The following SCAMP3 variants were observed in gnomAD, a reference collection of about 807,000 sequenced individuals.
SCAMP3 encodes the protein secretory carrier-associated membrane protein 3.
In SCAMP3, 30 loss-of-function variants were observed where a neutral mutation model predicts 44.1. The ratio of observed to expected loss-of-function variants is 0.68; its 90% CI spans 0.51 to 0.92. SCAMP3 has a LOEUF of 0.92. Ranked by LOEUF, SCAMP3 falls within the 40% of genes least tolerant of loss-of-function variation. SCAMP3 has a pLI of 0.00. For synonymous variants in SCAMP3, 168 were observed against 171.1 expected (o/e 0.98, Z 0.14); for missense variants, 394 against 440.0 (o/e 0.90, Z 0.93).
chr1:155,259,815 C>T (rs1004219344), intron 4 of SCAMP3, among the ~76,000 whole-genome samples: 11 of 152,144 alleles, frequency 7.2e-5, no homozygotes, highest in Non-Finnish European at 8.8e-5. Flanking sequence ...CCCTGTCAAA[C>T]GGATGCAAAC....
intron 1 of SCAMP3, 166 bp downstream of exon 1, chr1:155,261,920 C>A (rs1672976466): frequency 3.7e-6 from 3 of 811,016 alleles, no homozygotes; most frequent in Non-Finnish European, 6.0e-6. Context: ...CATTAAGGGG[C>A]AGGGCCCGCC....
chr1:155,258,606 G>T (rs781075317), intron 5 of SCAMP3, among the ~76,000 whole-genome samples: 2 of 151,974 alleles, frequency 1.3e-5, no homozygotes, highest in Non-Finnish European at 2.9e-5. Context: ...AAAGTGCTGG[G>T]ATTACAGGCG....
intron 5 of SCAMP3, among the ~76,000 whole-genome samples, chr1:155,257,907 C>T (rs1029878654): frequency 2.0e-5 from 3 of 150,810 alleles, no homozygotes; most frequent in Admixed American, 1.3e-4. Context: ...TGCAGTGGCG[C>T]AATCTCAGCT....
intron 2 of SCAMP3, 39 bp from the exon 3 acceptor site, chr1:155,260,698 A>C: frequency 1.3e-6 from 2 of 1,548,920 alleles, no homozygotes; most frequent in Non-Finnish European, 1.8e-6. Flanking sequence ...CTAGTCCCTC[A>C]TAACACAGGA....
intron 4 of SCAMP3, among the ~76,000 whole-genome samples, chr1:155,259,468 C>A (rs186900220): frequency 6.6e-6 from 1 of 152,218 alleles, no homozygotes; most frequent in African/African-American, 2.4e-5. Context: ...CGGCGCCTGG[C>A]CGTCCACCTC....
chr1:155,261,271 C>T (rs897817261), intron 2 of SCAMP3: 1 of 200,818 alleles, frequency 5.0e-6, no homozygotes, highest in Non-Finnish European at 1.0e-5. Context: ...TAAATTCTTA[C>T]AACTCACCAT....
At chr1:155,257,795 C>A in intron 5 of SCAMP3, 138 bp from the exon 6 acceptor site, 1 of 755,130 alleles carries the variant, frequency 1.3e-6, no homozygotes, top group Non-Finnish European at 2.2e-6. Flanking sequence ...ATGGAATCCT[C>A]AACAGGGGAG....
rs758722934 is a variant in SCAMP3 at position 155,257,405 on chromosome 1, TG to T, written c.678-20del. On this transcript the variant is annotated intron_variant, in intron 6 of 8. Transcript: ENST00000302631. ...GTCACTCCTACAAAGAGGAAAAAAA[TG>T]GGGAGGGTGGGAGAAGAATTAGAGC... 2.2e-5 allele frequency: 35 copies of T among 1,608,078 alleles called. No individual in the cohort carries two copies. The African/African-American group carries it at 3.9e-4, about 18-fold the overall frequency.
chr1:155,260,496 C>G (rs1021480564), intron 3 of SCAMP3, 41 bp downstream of exon 3: 24 of 1,614,184 alleles, frequency 1.5e-5, no homozygotes, highest in Non-Finnish European at 2.0e-5. Context: ...GGCCCCAGGA[C>G]TGGCCCTTCT....
chr1:155,260,038 A>T (rs1037946542), intron 4 of SCAMP3, among the ~76,000 whole-genome samples: 1 of 145,222 alleles, frequency 6.9e-6, no homozygotes, highest in African/African-American at 2.6e-5. Context: ...TGCAACCTCC[A>T]CCTCCCGGGT....
In SCAMP3 at chr1:155,257,329, C is replaced by T. The variant is rs1672829417; in HGVS notation, c.735G>A (p.Val245=). ...VFFFIFFVQD[V]LFVLQAIGIP... The stretch of plus-strand genomic sequence containing the variant: ...TACCAATGGCCTGGAGGACAAAGAG[C>T]ACATCCTGGACGAAGAAAATGAAGA... Residue 245 remains valine, a synonymous_variant, in exon 7 of 9, where the codon GTG becomes GTA. Coordinates refer to ENST00000302631, the MANE Select transcript of SCAMP3 (RefSeq NM_005698.4). 3 of 1,614,004 alleles carry T rather than the reference C, an allele frequency of 1.9e-6. No individual in the cohort carries two copies. Among genetic ancestry groups the T allele is most frequent in the East Asian group, 2.2e-5 (1 of 44,882 alleles).
intron 2 of SCAMP3, among the ~76,000 whole-genome samples, 181 bp from the exon 3 acceptor site, chr1:155,260,840 C>T (rs764551671): frequency 1.3e-5 from 2 of 152,042 alleles, no homozygotes; most frequent in Non-Finnish European, 1.5e-5. Context: ...CTGTAGCAGC[C>T]TTATCATCCC....
At chr1:155,257,867 C>T (rs913222874) in intron 5 of SCAMP3, among the ~76,000 whole-genome samples, 9 of 151,856 alleles carry the variant, frequency 5.9e-5, no homozygotes, top group East Asian at 1.9e-4. Context: ...TTTTTTGAGA[C>T]GGAGTCTGGC....
At position 155,258,963 on chromosome 1, in the gene SCAMP3, C is replaced by G; in HGVS notation, c.389-9G>C. On this transcript the variant is annotated splice_polypyrimidine_tract_variant and intron_variant, in intron 4 of 8. Coordinates refer to ENST00000302631, the MANE Select transcript of SCAMP3 (RefSeq NM_005698.4). ...CCAATTGTTCTGTCGAGCTGTAAGGCACAAAAAAACAGGTGGACCCCAGAA... is the reference window on the plus strand; with the variant it reads ...CCAATTGTTCTGTCGAGCTGTAAGGGACAAAAAAACAGGTGGACCCCAGAA... 1 of 1,596,614 alleles carries G rather than the reference C, an allele frequency of 6.3e-7. No homozygotes were observed. Among genetic ancestry groups the G allele is most frequent in the Non-Finnish European group, 8.5e-7 (1 of 1,173,430 alleles).
chr1:155,262,265 G>A lies in SCAMP3; in HGVS notation c.-114C>T, dbSNP rs1224150751. 1 of 944,402 alleles carries A rather than the reference G, an allele frequency of 1.1e-6. No individual in the cohort carries two copies. Among genetic ancestry groups the A allele is most frequent in the Non-Finnish European group, 1.6e-6 (1 of 640,286 alleles). 58.5% of individuals were successfully genotyped at this position (944,402 alleles called of 1,614,324 possible). ...TCGCCTCAGTTCGCCCCGCTTCTCT[G>A]TGCACGGATTGGTTCCACCGACCGG... On this transcript the variant is annotated 5_prime_UTR_variant, in exon 1 of 9. Transcript: ENST00000302631.
chr1:155,261,928 GC>G, intron 1 of SCAMP3, 157 bp downstream of exon 1: 3 of 817,690 alleles, frequency 3.7e-6, no homozygotes, highest in Non-Finnish European at 5.9e-6. Context: ...GGCAGGGCCC[GC>G]CCCCCAGAGT....
At chr1:155,259,462 G>A (rs1466382568) in intron 4 of SCAMP3, among the ~76,000 whole-genome samples, 2 of 152,078 alleles carry the variant, frequency 1.3e-5, no homozygotes, top group East Asian at 1.9e-4. Flanking sequence ...GAGCCCCGGC[G>A]CCTGGCCGTC....
At chr1:155,258,650 G>T in intron 5 of SCAMP3, 176 bp downstream of exon 5, 2 of 631,036 alleles carry the variant, frequency 3.2e-6, no homozygotes, top group Non-Finnish European at 5.5e-6. Context: ...GACATCTAAA[G>T]AATTCAAAAT....
At chr1:155,258,317 C>CAT in intron 5 of SCAMP3, among the ~76,000 whole-genome samples, 1 of 120,500 alleles carries the variant, frequency 8.3e-6, no homozygotes. Flanking sequence ...CCGTGCCCGG[C>CAT]CTTTTTTTTT....
Sources: gnomAD v4.1 joint callset for allele counts (sites outside exome capture counted in the v4.1 genomes callset) on GRCh38, gnomAD v4.1.1 for gene constraint, MANE v1.5 for transcripts, NCBI Gene and HGNC (gene_info 2026-07-23, HGNC 2026-07-21) for gene names.